INSL6: variants seen among roughly 807,000 people sequenced by gnomAD.
INSL6 encodes the protein insulin like 6.
In INSL6, 16 loss-of-function variants were observed where a neutral mutation model predicts 9.4. The ratio of observed to expected loss-of-function variants is 1.70; its 90% CI spans 1.15 to 2.59. The LOEUF is 2.59. INSL6 is among the 30% of genes most tolerant of loss of function. The pLI is 0.00. For synonymous variants in INSL6, 154 were observed against 96.9 expected (o/e 1.59, Z -3.46); for missense variants, 391 against 257.3 (o/e 1.52, Z -3.56).
At chr9:5,068,124 C>A in the INSL6 span, among the ~76,000 whole-genome samples, 1 of 149,788 alleles carries the variant, frequency 6.7e-6, no homozygotes, top group African/African-American at 2.5e-5. Flanking sequence ...TGTGCCACTG[C>A]ACTCCAGCCT....
chr9:5,043,475 T>C, the INSL6 span, among the ~76,000 whole-genome samples: 1 of 152,316 alleles, frequency 6.6e-6, no homozygotes, highest in East Asian at 1.9e-4. Flanking sequence ...TTTGGACTAA[T>C]TTGGATGCAG....
chr9:5,080,809 A>G, the INSL6 span: 1 of 567,734 alleles, frequency 1.8e-6, no homozygotes, highest in Non-Finnish European at 2.9e-6. Flanking sequence ...TTAATTTCTT[A>G]TGTTCATATG....
chr9:5,086,005 G>T, the INSL6 span: 1 of 839,366 alleles, frequency 1.2e-6, no homozygotes, highest in Non-Finnish European at 2.1e-6. Flanking sequence ...TGATGAAACT[G>T]TGATATACTA....
chr9:5,139,489 G>A (rs7469563), intron 2 of INSL6, among the ~76,000 whole-genome samples: 59,814 of 151,888 alleles, frequency 0.39, 13,696 homozygotes, highest in African/African-American at 0.65. Context: ...TCAGAGTATT[G>A]GGTGAAAATA....
the INSL6 span, among the ~76,000 whole-genome samples, chr9:5,049,992 C>T: frequency 6.6e-6 from 1 of 152,228 alleles, no homozygotes; most frequent in East Asian, 1.9e-4. Flanking sequence ...ATGTGGTCTG[C>T]CATTGACCAA....
At chr9:5,103,033 C>A in the INSL6 span, among the ~76,000 whole-genome samples, 1 of 151,878 alleles carries the variant, frequency 6.6e-6, no homozygotes, top group Non-Finnish European at 1.5e-5. Context: ...GGTTCAAATT[C>A]ACACATAACA....
chr9:5,042,981 G>C, the INSL6 span, among the ~76,000 whole-genome samples: 97,419 of 152,024 alleles, frequency 0.64, 33,111 homozygotes, highest in African/African-American at 0.89. Context: ...ACCCTCAGAA[G>C]CTGAGGGGGG....
intron 1 of INSL6, among the ~76,000 whole-genome samples, chr9:5,171,322 T>C (rs745507686): frequency 4.6e-5 from 7 of 152,196 alleles, no homozygotes; most frequent in Non-Finnish European, 8.8e-5. Flanking sequence ...AAATCAGGTG[T>C]TGATGGAGCA....
chr9:5,022,248 C>A, the INSL6 span: 4 of 1,447,424 alleles, frequency 2.8e-6, no homozygotes, highest in African/African-American at 4.2e-5. Flanking sequence ...CCTTTTTATG[C>A]ATGGATTGTT....
At chr9:5,050,769 A>C in the INSL6 span, 1 of 1,613,152 alleles carries the variant, frequency 6.2e-7, no homozygotes, top group Non-Finnish European at 8.5e-7. Context: ...TGGCAGTGTT[A>C]GATATGATGA....
At chr9:5,104,860 C>G in the INSL6 span, among the ~76,000 whole-genome samples, 2 of 152,240 alleles carry the variant, frequency 1.3e-5, no homozygotes, top group East Asian at 3.9e-4. Context: ...ATTCTACAGC[C>G]CTTCATGCCA....
chr9:5,173,623 G>C (rs1221371119), intron 1 of INSL6, among the ~76,000 whole-genome samples: 2 of 152,104 alleles, frequency 1.3e-5, no homozygotes, highest in African/African-American at 2.4e-5. Context: ...GTGGGGTTGG[G>C]GGAGGGCCAG....
At chr9:5,131,662 A>G (rs1824291218) in intron 3 of INSL6, among the ~76,000 whole-genome samples, 1 of 150,582 alleles carries the variant, frequency 6.6e-6, no homozygotes, top group African/African-American at 2.5e-5. Context: ...CTGGTCTTGA[A>G]CTCCTGACCT....
intron 2 of INSL6, among the ~76,000 whole-genome samples, chr9:5,155,261 C>T (rs2209774): frequency 0.35 from 50,357 of 145,768 alleles, 8,828 homozygotes; most frequent in African/African-American, 0.46. Flanking sequence ...CACTCCTAGG[C>T]GGGAATTGAA....
the INSL6 span, among the ~76,000 whole-genome samples, chr9:5,086,588 A>ATACT: frequency 5.2e-3 from 784 of 152,094 alleles, 4 homozygotes; most frequent in Non-Finnish European, 7.9e-3. Flanking sequence ...TGCCCTTCCA[A>ATACT]TACTTAAAAA....
At chr9:5,078,202 T>C in the INSL6 span, 3 of 878,476 alleles carry the variant, frequency 3.4e-6, no homozygotes, top group Admixed American at 2.6e-5. Context: ...TATTATACTA[T>C]CATGTATTTT....
rs769826707 is a variant in INSL6 at position 5,185,336 on chromosome 9, G to C, written c.267C>G (p.Ala89=). The C allele has an allele frequency of 5.6e-6, 9 of 1,614,070 alleles. No individual in the cohort carries two copies. Among genetic ancestry groups the C allele is most frequent in the South Asian group, 5.5e-5 (5 of 91,062 alleles). Residue 89 remains alanine (A), a synonymous_variant, in exon 1 of 2, where the codon GCC becomes GCG. Coordinates refer to ENST00000381641, the MANE Select transcript of INSL6 (RefSeq NM_007179.3). ...QFESPQTASP[A]RGRGTNPVST... ...TACCTGGGTTTGTGCCTCTTCCCCG[G>C]GCCGGGGAAGCGGTTTGCGGGCTTT...
chr9:5,014,613 A>G, the INSL6 span, among the ~76,000 whole-genome samples: 35 of 152,312 alleles, frequency 2.3e-4, no homozygotes, highest in East Asian at 5.4e-3. Flanking sequence ...TGGGATGCTG[A>G]TAATTTCTTA....
the INSL6 span, among the ~76,000 whole-genome samples, chr9:4,992,243 TC>T: frequency 6.6e-6 from 1 of 152,204 alleles, no homozygotes; most frequent in Non-Finnish European, 1.5e-5. Flanking sequence ...GGCCTGGATT[TC>T]CTCACAATAT....
Sources: allele counts gnomAD v4.1 joint callset (sites outside exome capture counted in the v4.1 genomes callset), GRCh38; gene constraint gnomAD v4.1.1; transcripts MANE v1.5; gene names NCBI Gene and HGNC (gene_info 2026-07-23, HGNC 2026-07-21).